LHFPL6: variants seen among roughly 807,000 people sequenced by gnomAD.
The protein encoded by LHFPL6 is LHFPL tetraspan subfamily member 6, also known as LHFPL tetraspan subfamily member 6 protein.
A neutral mutation model predicts 20.6 loss-of-function variants in LHFPL6; 9 were observed. That is an observed-to-expected ratio of 0.44 (90% CI 0.26 to 0.76). The LOEUF (loss-of-function observed/expected upper bound fraction) is 0.76. Ranked by LOEUF, LHFPL6 falls within the 30% of genes least tolerant of loss-of-function variation. The probability of loss-of-function intolerance (pLI) is 0.20; values close to 1 mark genes in which losing one functional copy is unlikely to be tolerated. For synonymous variants in LHFPL6, 105 were observed against 98.7 expected (o/e 1.06, Z -0.38); for missense variants, 218 against 253.5 (o/e 0.86, Z 0.95).
intron 2 of LHFPL6, among the ~76,000 whole-genome samples, chr13:39,518,907 A>T (rs1456396255): frequency 6.6e-6 from 1 of 152,246 alleles, no homozygotes. Flanking sequence ...GAATGAGTTA[A>T]TAAGCCAGAT....
At chr13:39,560,559 G>A (rs551467799) in intron 2 of LHFPL6, among the ~76,000 whole-genome samples, 24 of 133,506 alleles carry the variant, frequency 1.8e-4, no homozygotes, top group Non-Finnish European at 2.9e-4. Flanking sequence ...CTGTCGCCCA[G>A]GCTGGAGTGC....
At chr13:39,536,961 C>A (rs1025215044) in intron 2 of LHFPL6, among the ~76,000 whole-genome samples, 4 of 152,152 alleles carry the variant, frequency 2.6e-5, no homozygotes, top group African/African-American at 4.8e-5. Context: ...CATCCATATC[C>A]AAAAGAAGCT....
intron 2 of LHFPL6, among the ~76,000 whole-genome samples, chr13:39,528,058 C>G (rs1017335122): frequency 6.6e-5 from 10 of 152,172 alleles, no homozygotes; most frequent in Admixed American, 1.3e-4. Context: ...TCATCTCCTT[C>G]CGCTTCATAT....
At chr13:39,547,159 G>A (rs1593357939) in intron 2 of LHFPL6, among the ~76,000 whole-genome samples, 1 of 152,026 alleles carries the variant, frequency 6.6e-6, no homozygotes, top group Non-Finnish European at 1.5e-5. Context: ...CCAGTGCCCT[G>A]GCTAAATTTT....
intron 3 of LHFPL6, among the ~76,000 whole-genome samples, chr13:39,375,081 T>C (rs968583703): frequency 2.0e-5 from 3 of 152,198 alleles, no homozygotes; most frequent in Non-Finnish European, 2.9e-5. Flanking sequence ...GCATGAGCTT[T>C]AATAACATTA....
chr13:39,562,918 A>G (rs1474342505), intron 2 of LHFPL6, among the ~76,000 whole-genome samples: 2 of 152,082 alleles, frequency 1.3e-5, no homozygotes, highest in African/African-American at 4.8e-5. Flanking sequence ...GTCCCCATGC[A>G]CCAAGGGGAG....
At chr13:39,522,112 T>C (rs1322844422) in intron 2 of LHFPL6, among the ~76,000 whole-genome samples, 2 of 152,162 alleles carry the variant, frequency 1.3e-5, no homozygotes, top group Non-Finnish European at 2.9e-5. Context: ...GTCACATCAC[T>C]TTCCTCTCCC....
intron 2 of LHFPL6, among the ~76,000 whole-genome samples, chr13:39,397,161 GA>G (rs5802985): frequency 0.063 from 9,335 of 147,790 alleles, 341 homozygotes; most frequent in East Asian, 0.17. Context: ...AAAGTAAATT[GA>G]AAAAAAAAAG....
At chr13:39,461,949 A>G (rs8000420) in intron 2 of LHFPL6, among the ~76,000 whole-genome samples, 83,906 of 151,876 alleles carry the variant, frequency 0.55, 24,366 homozygotes, top group East Asian at 0.9. Flanking sequence ...AAAGACAAAA[A>G]AGTAGACTAG....
intron 2 of LHFPL6, among the ~76,000 whole-genome samples, chr13:39,411,670 C>A (rs1485857465): frequency 6.6e-6 from 1 of 152,146 alleles, no homozygotes; most frequent in Non-Finnish European, 1.5e-5. Flanking sequence ...ATTACTGGGG[C>A]CTGATTGCTA....
In LHFPL6 at chr13:39,555,787, G is replaced by T. The variant is rs145691484; in HGVS notation, c.385+45045C>A. On this transcript the variant is annotated intron_variant, in intron 2 of 3. Transcript: ENST00000379589. Reference sequence around the variant, plus strand: ...TTCAACAAGAAATTTCAATTAATAAGGACATTCCATCCATACATGATATGG... The same window carrying T: ...TTCAACAAGAAATTTCAATTAATAATGACATTCCATCCATACATGATATGG... 2.6e-5 allele frequency among the ~76,000 whole-genome samples: 4 copies of T among 152,082 alleles called. 1 individual carries two copies. The highest frequency in any genetic ancestry group is 9.6e-5 in the African/African-American group (4 of 41,492).
At chr13:39,406,481 T>C (rs533521461) in intron 2 of LHFPL6, among the ~76,000 whole-genome samples, 108 of 152,312 alleles carry the variant, frequency 7.1e-4, no homozygotes, top group African/African-American at 2.6e-3. Context: ...CTTTTCAATT[T>C]CCTTAATTGC....
intron 2 of LHFPL6, among the ~76,000 whole-genome samples, chr13:39,500,445 GTCTC>G (rs1359732192): frequency 2.6e-5 from 4 of 151,964 alleles, no homozygotes; most frequent in African/African-American, 9.7e-5. Context: ...TAGAGATGAG[GTCTC>G]TCTATGTGGC....
chr13:39,457,763 C>T (rs552253158), intron 2 of LHFPL6, among the ~76,000 whole-genome samples: 1 of 152,196 alleles, frequency 6.6e-6, no homozygotes, highest in East Asian at 1.9e-4. Flanking sequence ...AGCCAAAATT[C>T]CTCAGGCCAC....
At chr13:39,437,546 C>T (rs905753124) in intron 2 of LHFPL6, among the ~76,000 whole-genome samples, 3 of 152,170 alleles carry the variant, frequency 2.0e-5, no homozygotes, top group South Asian at 2.1e-4. Context: ...TGAAGAACCA[C>T]GAACCAATGA....
chr13:39,497,812 G>A (rs1045425372), intron 2 of LHFPL6, among the ~76,000 whole-genome samples: 1 of 152,136 alleles, frequency 6.6e-6, no homozygotes, highest in Non-Finnish European at 1.5e-5. Flanking sequence ...AGAGATGACA[G>A]TAATAGCATT....
chr13:39,544,438 A>G (rs9576847), intron 2 of LHFPL6, among the ~76,000 whole-genome samples: 14,615 of 152,214 alleles, frequency 0.096, 859 homozygotes, highest in East Asian at 0.29. Context: ...AAAAATCAAA[A>G]GGCTAATGAA....
intron 2 of LHFPL6, among the ~76,000 whole-genome samples, chr13:39,452,645 C>G (rs1396502929): frequency 6.6e-6 from 1 of 152,138 alleles, no homozygotes; most frequent in Non-Finnish European, 1.5e-5. Context: ...ACCCAGACAC[C>G]GGGTGTCTCA....
intron 2 of LHFPL6, among the ~76,000 whole-genome samples, chr13:39,565,599 A>G (rs1413905061): frequency 1.3e-5 from 2 of 152,256 alleles, no homozygotes; most frequent in East Asian, 3.8e-4. Context: ...GATCTGTTGT[A>G]CAGTCTGCAT....
Sources: allele counts gnomAD v4.1 joint callset (sites outside exome capture counted in the v4.1 genomes callset), GRCh38; gene constraint gnomAD v4.1.1; transcripts MANE v1.5; gene names NCBI Gene and HGNC (gene_info 2026-07-23, HGNC 2026-07-21).